The following CCNJL variants were observed in gnomAD, a reference collection of about 807,000 sequenced individuals.
CCNJL encodes the protein cyclin J like, also known as cyclin-J-like protein.
In CCNJL, 33 loss-of-function variants were observed where a neutral mutation model predicts 33.4. That is an observed-to-expected ratio of 0.99 (90% CI 0.75 to 1.32). The LOEUF is 1.32. Ranked by LOEUF, CCNJL falls within the 40% of genes most tolerant of loss-of-function variation. The probability of loss-of-function intolerance (pLI) is 0.00; values close to 1 mark genes in which losing one functional copy is unlikely to be tolerated. For synonymous variants in CCNJL, 227 were observed against 220.9 expected (o/e 1.03, Z -0.24); for missense variants, 512 against 499.7 (o/e 1.02, Z -0.23).
chr5:160,273,016 C>T (rs1761891534), intron 3 of CCNJL, among the ~76,000 whole-genome samples: 1 of 152,160 alleles, frequency 6.6e-6, no homozygotes, highest in Non-Finnish European at 1.5e-5. Context: ...TGAAGTAAAT[C>T]CACAAGCGCT....
At chr5:160,312,027 C>T in intron 1 of CCNJL, 55 bp from the exon 2 acceptor site, 1 of 1,135,382 alleles carries the variant, frequency 8.8e-7, no homozygotes, top group East Asian at 2.4e-5. Flanking sequence ...CTCCGACCCC[C>T]GGTGTCCCTA....
intron 4 of CCNJL, chr5:160,258,726 C>T: frequency 2.9e-6 from 2 of 689,698 alleles, no homozygotes; most frequent in South Asian, 3.1e-5. Flanking sequence ...AAGACAGAGT[C>T]TCGCTCTGTT....
intron 3 of CCNJL, among the ~76,000 whole-genome samples, chr5:160,262,137 C>T (rs1310766884): frequency 6.6e-6 from 1 of 152,114 alleles, no homozygotes; most frequent in Non-Finnish European, 1.5e-5. Flanking sequence ...GTTGCATGCA[C>T]TCAGCAGAAA....
chr5:160,274,189 T>G (rs971476437), intron 3 of CCNJL, among the ~76,000 whole-genome samples: 1 of 152,040 alleles, frequency 6.6e-6, no homozygotes, highest in South Asian at 2.1e-4. Flanking sequence ...CCAGGTGTGG[T>G]GGCTCACGTT....
chr5:160,257,522 G>T (rs1761122449), intron 4 of CCNJL, among the ~76,000 whole-genome samples: 2 of 151,282 alleles, frequency 1.3e-5, no homozygotes, highest in Non-Finnish European at 2.9e-5. Context: ...ATAACCTTGG[G>T]TAAGTTACAG....
At chr5:160,314,723 G>A (rs1304358481), upstream of CCNJL, among the ~76,000 whole-genome samples, 3 of 152,258 alleles carry the variant, frequency 2.0e-5, no homozygotes, top group African/African-American at 7.2e-5. Context: ...AAATCGGTAT[G>A]TAAAACATTA....
At chr5:160,333,247 C>A (rs925682302) in intron 1 of CCNJL, among the ~76,000 whole-genome samples, 2 of 152,004 alleles carry the variant, frequency 1.3e-5, no homozygotes, top group Non-Finnish European at 2.9e-5. Context: ...CTCCGCCTCC[C>A]GAGTAGCTAG....
At chr5:160,265,876 A>G (rs1269797830) in intron 3 of CCNJL, among the ~76,000 whole-genome samples, 1 of 151,260 alleles carries the variant, frequency 6.6e-6, no homozygotes, top group South Asian at 2.1e-4. Flanking sequence ...AAAAAAAAAA[A>G]GAAAAAAGAA....
intron 2 of CCNJL, among the ~76,000 whole-genome samples, chr5:160,284,343 C>A (rs1169057248): frequency 6.6e-6 from 1 of 151,916 alleles, no homozygotes; most frequent in Non-Finnish European, 1.5e-5. Flanking sequence ...CAGAGCCAGA[C>A]CCTGTCTCAA....
chr5:160,278,508 C>T (rs1762093570), intron 3 of CCNJL, among the ~76,000 whole-genome samples: 1 of 152,186 alleles, frequency 6.6e-6, no homozygotes, highest in African/African-American at 2.4e-5. Context: ...GGAAACTTTT[C>T]TTCCCTCTGG....
At chr5:160,329,104 A>T (rs1383686585) in intron 1 of CCNJL, among the ~76,000 whole-genome samples, 1 of 152,144 alleles carries the variant, frequency 6.6e-6, no homozygotes, top group Non-Finnish European at 1.5e-5. Context: ...GGAAGCTAGG[A>T]GCCAAGCCAC....
chr5:160,320,863 TTCTTTCTC>T (rs1561812579), intron 1 of CCNJL, among the ~76,000 whole-genome samples: 69 of 141,292 alleles, frequency 4.9e-4, no homozygotes, highest in African/African-American at 1.6e-3. Context: ...CTTTCTTTCT[TTCTTTCTC>T]TCTTTCTTTC....
chr5:160,277,511 T>C (rs1046652425), intron 3 of CCNJL, among the ~76,000 whole-genome samples: 2 of 152,228 alleles, frequency 1.3e-5, no homozygotes, highest in African/African-American at 4.8e-5. Context: ...GTGATCTCTA[T>C]ACTATATTTA....
At chr5:160,286,861 C>T (rs1372488238) in intron 2 of CCNJL, among the ~76,000 whole-genome samples, 1 of 152,158 alleles carries the variant, frequency 6.6e-6, no homozygotes, top group South Asian at 2.1e-4. Flanking sequence ...ACTTCTCTGA[C>T]CTCTCCATCA....
Position 160,283,008 on chromosome 5 carries a change from T to TAC in CCNJL, c.67-2272_67-2271dup, listed in dbSNP as rs1489146521. On this transcript the variant is annotated intron_variant, in intron 2 of 5. Coordinates refer to ENST00000257536, the MANE Select transcript of CCNJL (RefSeq NM_001308173.3). Reference sequence around the variant, plus strand: ...ATATATATATATATATATATATATATACATATATATATATATATACCTAAG... The same window carrying TAC: ...ATATATATATATATATATATATATATACACATATATATATATATATACCTAAG... Among the ~76,000 whole-genome samples, 258 of 52,586 alleles carry TAC rather than the reference T, an allele frequency of 4.9e-3. 2 individuals are homozygous for TAC. The highest frequency in any genetic ancestry group is 0.016 in the Middle Eastern group (1 of 64). The allele number at this position is 52,586 out of a possible 152,430, so 34.5% of individuals were successfully genotyped here.
At position 160,253,378 on chromosome 5, in the gene CCNJL, C is replaced by T; in HGVS notation, c.1164G>A (p.Ter388=). 2 of 1,570,688 alleles carry T rather than the reference C, an allele frequency of 1.3e-6. No individual in the cohort carries two copies. The highest frequency in any genetic ancestry group is 1.2e-5 in the South Asian group (1 of 83,184). Residue 388 remains the stop codon, a stop_retained_variant, in exon 6 of 6, where the codon TAG becomes TAA. Coordinates refer to ENST00000257536, the MANE Select transcript of CCNJL (RefSeq NM_001308173.3). ...HMFPTGCFDR[*] is the part of the protein sequence containing the mutation. ...CTTCCTCGTGAGGTCTGGAGGTGGCCTATCTGTCAAAGCAGCCGGTGGGGA... is the reference window on the plus strand; with the variant it reads ...CTTCCTCGTGAGGTCTGGAGGTGGCTTATCTGTCAAAGCAGCCGGTGGGGA...
intron 1 of CCNJL, among the ~76,000 whole-genome samples, chr5:160,333,172 G>A (rs1581024642): frequency 6.6e-6 from 1 of 151,352 alleles, no homozygotes; most frequent in Non-Finnish European, 1.5e-5. Flanking sequence ...GCCCAGGCTG[G>A]AGTGCAGTGG....
chr5:160,269,415 A>C, intron 3 of CCNJL: 1 of 456,516 alleles, frequency 2.2e-6, no homozygotes, highest in Non-Finnish European at 4.4e-6. Flanking sequence ...CTGTCACGAA[A>C]GAAGGTTTCG....
intron 2 of CCNJL, among the ~76,000 whole-genome samples, chr5:160,309,761 TG>T (rs1763205293): frequency 6.6e-6 from 1 of 152,170 alleles, no homozygotes; most frequent in African/African-American, 2.4e-5. Flanking sequence ...TTTGAGGAGG[TG>T]GGACATTATA....
Sources: gnomAD v4.1 joint callset for allele counts (sites outside exome capture counted in the v4.1 genomes callset) on GRCh38, gnomAD v4.1.1 for gene constraint, MANE v1.5 for transcripts, NCBI Gene and HGNC (gene_info 2026-07-23, HGNC 2026-07-21) for gene names.